The following SGCD variants were observed in gnomAD, a reference collection of about 807,000 sequenced individuals.
The protein encoded by SGCD is sarcoglycan delta.
In SGCD, 18 loss-of-function variants were observed where a neutral mutation model predicts 36.6. The observed-to-expected ratio is 0.49, with a 90% CI of 0.34 to 0.73. The LOEUF (loss-of-function observed/expected upper bound fraction) is 0.73. SGCD is among the 30% of genes least tolerant of loss of function. The probability of loss-of-function intolerance (pLI) is 0.01; values close to 1 mark genes in which losing one functional copy is unlikely to be tolerated. For missense variants in SGCD, 387 were observed against 346.7 expected, an observed-to-expected ratio of 1.12 and a Z score of -0.92; for synonymous variants, 133 against 130.6, an observed-to-expected ratio of 1.02 and a Z score of -0.12.
chr5:156,076,452 C>CA (rs1561709178), intron 1 of SGCD, among the ~76,000 whole-genome samples: 1 of 152,026 alleles, frequency 6.6e-6, no homozygotes, highest in African/African-American at 2.4e-5. Flanking sequence ...TTAAACCTCT[C>CA]AGTACAAAAG....
intron 1 of SGCD, among the ~76,000 whole-genome samples, chr5:156,096,527 G>A (rs959306307): frequency 2.6e-5 from 4 of 152,140 alleles, no homozygotes; most frequent in African/African-American, 9.7e-5. Context: ...TTGAGTCATT[G>A]CCCCATCTGG....
chr5:156,137,545 T>A (rs911192707), intron 3 of SGCD, among the ~76,000 whole-genome samples: 2 of 152,174 alleles, frequency 1.3e-5, no homozygotes, highest in Non-Finnish European at 2.9e-5. Context: ...ACCATCTCAC[T>A]CTATTAAATA....
In SGCD at chr5:155,942,318, G is replaced by GTATCTATCTATC. The variant is rs1215503536; in HGVS notation, c.-282+71897_-282+71898insCTATCTATCTAT. On this transcript the variant is annotated intron_variant, in intron 1 of 9. Transcript: ENST00000517913. ...CGCATGTATGTATGTATGTATGTAT[G>GTATCTATCTATC]TATGTATGTATGTATGTATCTATCT... Among the ~76,000 whole-genome samples, 653 of 73,672 alleles carry GTATCTATCTATC rather than the reference G, an allele frequency of 8.9e-3. 6 individuals are homozygous for GTATCTATCTATC. The highest frequency in any genetic ancestry group is 0.027 in the Admixed American group (198 of 7,432). 48.3% of individuals were successfully genotyped at this position (73,672 alleles called of 152,430 possible). A position where few individuals can be genotyped will look rare whatever the true frequency, so the allele number is the denominator to read the frequency against.
the SGCD span, among the ~76,000 whole-genome samples, chr5:155,853,664 C>T: frequency 1.1e-4 from 16 of 152,114 alleles, no homozygotes; most frequent in Non-Finnish European, 1.8e-4. Flanking sequence ...TCAGGTTTCG[C>T]GTGTACTTGT....
At chr5:156,488,130 A>G (rs1755784456) in intron 3 of SGCD, among the ~76,000 whole-genome samples, 1 of 142,068 alleles carries the variant, frequency 7.0e-6, no homozygotes, top group South Asian at 2.2e-4. Context: ...TTTTTAAATA[A>G]CCCAGTTAGA....
intron 3 of SGCD, among the ~76,000 whole-genome samples, chr5:156,289,673 A>G (rs1490458826): frequency 6.6e-6 from 1 of 151,670 alleles, no homozygotes; most frequent in Non-Finnish European, 1.5e-5. Context: ...ATCACAGTCA[A>G]TTTTCTAATA....
chr5:156,708,580 A>G (rs1754842203), intron 7 of SGCD, among the ~76,000 whole-genome samples: 1 of 152,242 alleles, frequency 6.6e-6, no homozygotes, highest in South Asian at 2.1e-4. Flanking sequence ...TCACAGACAC[A>G]TAACGAACAT....
chr5:155,843,925 C>A, the SGCD span, among the ~76,000 whole-genome samples: 1 of 152,136 alleles, frequency 6.6e-6, no homozygotes, highest in Non-Finnish European at 1.5e-5. Context: ...CACTCTTTCC[C>A]CAGAGTATTG....
At chr5:156,627,918 T>A (rs1301397970) in intron 6 of SGCD, among the ~76,000 whole-genome samples, 1 of 152,196 alleles carries the variant, frequency 6.6e-6, no homozygotes, top group Non-Finnish European at 1.5e-5. Flanking sequence ...AAGTGTGTGT[T>A]AGGCCATTCT....
At chr5:156,335,681 A>G (rs936822804) in intron 2 of SGCD, among the ~76,000 whole-genome samples, 1 of 151,976 alleles carries the variant, frequency 6.6e-6, no homozygotes, top group Non-Finnish European at 1.5e-5. Flanking sequence ...CAAGCCTTCT[A>G]TCCTCACGCT....
intron 7 of SGCD, among the ~76,000 whole-genome samples, chr5:156,702,230 G>A (rs1754556138): frequency 6.6e-6 from 1 of 152,032 alleles, no homozygotes; most frequent in African/African-American, 2.4e-5. Context: ...AGTGTTTAAG[G>A]GCTGGGTGAC....
In SGCD at chr5:156,412,005, T is replaced by C. The variant is rs184290059; in HGVS notation, c.192+67328T>C. Reference sequence around the variant, plus strand: ...TTTCAAGAGCTGATCAATTTTTATGTTCCCTAAAGAGGAGAATTCAATAAG... The same window carrying C: ...TTTCAAGAGCTGATCAATTTTTATGCTCCCTAAAGAGGAGAATTCAATAAG... On this transcript the variant is annotated intron_variant, in intron 3 of 8. Transcript: ENST00000337851. Among the ~76,000 whole-genome samples, 683 of 152,378 alleles carry C rather than the reference T, an allele frequency of 4.5e-3. 9 individuals are homozygous for C. The highest frequency in any genetic ancestry group is 0.016 in the African/African-American group (656 of 41,596).
chr5:156,532,885 A>G (rs903617208), intron 4 of SGCD, among the ~76,000 whole-genome samples: 2 of 152,220 alleles, frequency 1.3e-5, no homozygotes, highest in African/African-American at 4.8e-5. Context: ...TATTTCTTAT[A>G]GTGACCTTAT....
intron 3 of SGCD, among the ~76,000 whole-genome samples, chr5:156,474,534 A>G (rs1755101441): frequency 6.6e-6 from 1 of 152,076 alleles, no homozygotes. Context: ...AACATGGGCC[A>G]CTCCAAGCTT....
intron 1 of SGCD, among the ~76,000 whole-genome samples, chr5:156,038,903 G>A (rs772441835): frequency 6.6e-6 from 1 of 152,088 alleles, no homozygotes; most frequent in Non-Finnish European, 1.5e-5. Flanking sequence ...TAGGTAAAAG[G>A]CAAAATCCTT....
At chr5:156,287,624 T>C (rs947708004) in intron 3 of SGCD, among the ~76,000 whole-genome samples, 1 of 135,398 alleles carries the variant, frequency 7.4e-6, no homozygotes, top group African/African-American at 2.8e-5. Context: ...TAGTTCCGTT[T>C]CTTTGTGTGT....
intron 3 of SGCD, among the ~76,000 whole-genome samples, chr5:156,165,111 G>C (rs1431632712): frequency 6.6e-6 from 1 of 152,160 alleles, no homozygotes; most frequent in African/African-American, 2.4e-5. Flanking sequence ...TCTGCTTAAG[G>C]GTCCAATTGT....
intron 3 of SGCD, among the ~76,000 whole-genome samples, chr5:156,389,403 A>C (rs1379898479): frequency 6.6e-6 from 1 of 152,132 alleles, no homozygotes; most frequent in Non-Finnish European, 1.5e-5. Flanking sequence ...AGAAGATTAA[A>C]ACTCCTACTT....
At chr5:156,425,886 T>C (rs1247601813) in intron 3 of SGCD, among the ~76,000 whole-genome samples, 1 of 152,134 alleles carries the variant, frequency 6.6e-6, no homozygotes, top group East Asian at 1.9e-4. Context: ...CAAAGACCAT[T>C]ATTTCATTCT....
Sources: allele counts gnomAD v4.1 joint callset (sites outside exome capture counted in the v4.1 genomes callset), GRCh38; gene constraint gnomAD v4.1.1; transcripts MANE v1.5; gene names NCBI Gene and HGNC (gene_info 2026-07-23, HGNC 2026-07-21).